Variants in GABRA2 observed in about 807,000 individuals in gnomAD.
GABRA2 encodes gamma-aminobutyric acid receptor subunit alpha-2.
A neutral mutation model predicts 48.7 loss-of-function variants in GABRA2; 16 were observed. That is an observed-to-expected ratio of 0.33 (90% confidence interval 0.22 to 0.50). The LOEUF is 0.50. GABRA2 is among the 20% of genes least tolerant of loss of function. The probability of loss-of-function intolerance (pLI) is 0.98; values close to 1 mark genes in which losing one functional copy is unlikely to be tolerated. For synonymous variants in GABRA2, 185 were observed against 184.5 expected (o/e 1.00, Z -0.02); for missense variants, 275 against 535.6 (o/e 0.51, Z 4.80).
intron 4 of GABRA2, among the ~76,000 whole-genome samples, chr4:46,331,959 G>A (rs1731432502): frequency 6.6e-6 from 1 of 152,106 alleles, no homozygotes; most frequent in Admixed American, 6.5e-5. Context: ...CTGGGATTAA[G>A]CAGTCCTCCC....
intron 8 of GABRA2, among the ~76,000 whole-genome samples, chr4:46,289,566 G>A (rs751211644): frequency 9.9e-5 from 15 of 152,172 alleles, no homozygotes; most frequent in Non-Finnish European, 2.1e-4. Context: ...AGGGTGGGAG[G>A]AGGGAGAGGA....
At chr4:46,387,211 G>A (rs1717581995) in intron 2 of GABRA2, among the ~76,000 whole-genome samples, 1 of 151,988 alleles carries the variant, frequency 6.6e-6, no homozygotes. Flanking sequence ...ATATAGAACA[G>A]AAAACTAGTT....
chr4:46,310,164 T>G lies in GABRA2; in HGVS notation c.559+9A>C. ...GACCCAAAACATGTAACTTCATCCC[T>G]GTACTTACAGCTGCCAAATTTCAGA... On this transcript the variant is annotated intron_variant, in intron 6 of 9. Coordinates refer to ENST00000381620, the MANE Select transcript of GABRA2 (RefSeq NM_000807.4). The G allele has an allele frequency of 6.2e-7, 1 of 1,608,742 alleles. No individual in the cohort carries two copies. The highest frequency in any genetic ancestry group is 8.5e-7 in the Non-Finnish European group (1 of 1,175,380).
chr4:46,296,344 G>A (rs1008997001), intron 8 of GABRA2, among the ~76,000 whole-genome samples: 1 of 152,088 alleles, frequency 6.6e-6, no homozygotes, highest in African/African-American at 2.4e-5. Flanking sequence ...GGCACCAGAG[G>A]AAACATCAAT....
At chr4:46,262,844 C>T (rs1717260402) in intron 8 of GABRA2, among the ~76,000 whole-genome samples, 1 of 151,364 alleles carries the variant, frequency 6.6e-6, no homozygotes, top group African/African-American at 2.4e-5. Flanking sequence ...TTGCAGTGAA[C>T]CGAGATCACG....
chr4:46,253,321 GAC>G (rs1469755510), intron 9 of GABRA2, among the ~76,000 whole-genome samples: 8 of 151,424 alleles, frequency 5.3e-5, no homozygotes, highest in Non-Finnish European at 1.2e-4. Flanking sequence ...AGAGCAGAGG[GAC>G]TAACCAATCT....
chr4:46,285,726 A>AT (rs1425472262), intron 8 of GABRA2, among the ~76,000 whole-genome samples: 3 of 151,080 alleles, frequency 2.0e-5, no homozygotes, highest in Non-Finnish European at 3.0e-5. Context: ...CCCTGAAACT[A>AT]TTTTTCTGTA....
At chr4:46,276,227 T>C (rs1720482300) in intron 8 of GABRA2, among the ~76,000 whole-genome samples, 1 of 152,010 alleles carries the variant, frequency 6.6e-6, no homozygotes, top group African/African-American at 2.4e-5. Context: ...AGAAATGGGT[T>C]TACTGAATGT....
At chr4:46,328,123 A>G (rs1009556295) in intron 4 of GABRA2, among the ~76,000 whole-genome samples, 1 of 152,030 alleles carries the variant, frequency 6.6e-6, no homozygotes, top group Non-Finnish European at 1.5e-5. Flanking sequence ...GTGAGCTACT[A>G]ATACATTTCA....
chr4:46,283,686 A>G (rs963175360), intron 8 of GABRA2, among the ~76,000 whole-genome samples: 4 of 152,226 alleles, frequency 2.6e-5, no homozygotes, highest in African/African-American at 9.6e-5. Context: ...AACGAAATGC[A>G]TTTGAACTCT....
chr4:46,245,676 C>T lies in GABRA2; in HGVS notation c.*4632G>A, dbSNP rs1245327540. ...ATCTGAATTTCTCAAAACATTATTC[C>T]ATACATACCTAGGAATTACACACAT... is the stretch of plus-strand genomic sequence containing the variant. On this transcript the variant is annotated 3_prime_UTR_variant, in exon 10 of 10. Coordinates refer to ENST00000381620, the MANE Select transcript of GABRA2 (RefSeq NM_000807.4). Among the ~76,000 whole-genome samples, 1 of 151,040 alleles carries T rather than the reference C, an allele frequency of 6.6e-6. No homozygotes were observed. Among genetic ancestry groups the T allele is most frequent in the East Asian group, 2.0e-4 (1 of 5,110 alleles).
intron 4 of GABRA2, among the ~76,000 whole-genome samples, chr4:46,318,855 C>T (rs1728976955): frequency 6.6e-6 from 1 of 151,662 alleles, no homozygotes; most frequent in African/African-American, 2.4e-5. Flanking sequence ...GTGAGACTGA[C>T]TGTTGGGTTA....
At chr4:46,279,020 A>C (rs546386696) in intron 8 of GABRA2, among the ~76,000 whole-genome samples, 2 of 151,942 alleles carry the variant, frequency 1.3e-5, no homozygotes, top group South Asian at 4.1e-4. Context: ...ATGTATAATA[A>C]AGTGAATTAT....
chr4:46,317,192 C>T (rs374512002), intron 4 of GABRA2, among the ~76,000 whole-genome samples: 1 of 151,852 alleles, frequency 6.6e-6, no homozygotes, highest in Admixed American at 6.6e-5. Flanking sequence ...ATGAAAGTCA[C>T]ATGAGTCTAA....
intron 8 of GABRA2, among the ~76,000 whole-genome samples, chr4:46,292,824 A>G (rs1577935533): frequency 2.0e-5 from 3 of 152,160 alleles, no homozygotes; most frequent in African/African-American, 7.2e-5. Flanking sequence ...ACCCTTGACC[A>G]ATGCTTTGCA....
At chr4:46,285,497 AC>A (rs1313049247) in intron 8 of GABRA2, among the ~76,000 whole-genome samples, 6 of 151,336 alleles carry the variant, frequency 4.0e-5, no homozygotes, top group African/African-American at 1.5e-4. Flanking sequence ...TCTTCTGTTG[AC>A]TCCCTCCGAA....
chr4:46,368,169 A>C (rs760902257), intron 3 of GABRA2: 1 of 152,122 alleles, frequency 6.6e-6, no homozygotes, highest in Non-Finnish European at 1.5e-5. Context: ...AGCAAGATAC[A>C]TGATCGAGAG....
At chr4:46,302,737 C>A (rs1187316572) in intron 8 of GABRA2, 3 of 152,190 alleles carry the variant, frequency 2.0e-5, no homozygotes, top group African/African-American at 7.2e-5. Flanking sequence ...TCTTACCATA[C>A]CTTTTTCCAC....
rs565214961 is a variant in GABRA2 at position 46,370,833 on chromosome 4, A to C, written c.187+15241T>G. Among the ~76,000 whole-genome samples the C allele has an allele frequency of 7.9e-5, 12 of 152,144 alleles. No individual in the cohort carries two copies. The South Asian group carries it at 2.5e-3, about 32-fold the overall frequency. On this transcript the variant is annotated intron_variant, in intron 3 of 9. Transcript: ENST00000381620. ...CTGTCTATTTCTCTACAAAGAAAAA[A>C]TTGGTTTTAGATTTCTGTTCCAAGA...
Sources: gnomAD v4.1 joint callset for allele counts (sites outside exome capture counted in the v4.1 genomes callset) on GRCh38, gnomAD v4.1.1 for gene constraint, MANE v1.5 for transcripts, NCBI Gene and HGNC (gene_info 2026-07-23, HGNC 2026-07-21) for gene names.